Variants in CNTNAP2 observed in about 807,000 individuals in gnomAD.
CNTNAP2 encodes contactin associated protein 2.
In CNTNAP2, 98 loss-of-function variants were observed where a neutral mutation model predicts 155.2. The ratio of observed to expected loss-of-function variants is 0.63; its 90% CI spans 0.54 to 0.75. The LOEUF (loss-of-function observed/expected upper bound fraction) is 0.75, where lower values mean the gene tolerates loss of function less well. Among genes scored for constraint, CNTNAP2 ranks in the 30% least tolerant of loss-of-function variants. The pLI is 0.00. For missense variants in CNTNAP2, 1,727 were observed against 1,688.1 expected (o/e 1.02, Z -0.40); for synonymous variants, 651 against 631.2 (o/e 1.03, Z -0.47).
chr7:146,311,960 C>T (rs1800832541), intron 1 of CNTNAP2: 1 of 152,066 alleles, frequency 6.6e-6, no homozygotes, highest in Non-Finnish European at 1.5e-5. Flanking sequence ...TAAACAACTA[C>T]TCTAGTAAAT....
At chr7:146,895,625 G>A (rs969628766) in intron 3 of CNTNAP2, among the ~76,000 whole-genome samples, 19 of 151,924 alleles carry the variant, frequency 1.3e-4, no homozygotes, top group Non-Finnish European at 1.9e-4. Flanking sequence ...TACATCTATG[G>A]GATATAATCA....
intron 4 of CNTNAP2, among the ~76,000 whole-genome samples, chr7:147,056,265 A>T (rs1222248452): frequency 6.6e-6 from 1 of 152,084 alleles, no homozygotes; most frequent in Non-Finnish European, 1.5e-5. Flanking sequence ...ATTTAGCTGT[A>T]TGTGCTCTTT....
At chr7:147,225,793 AGG>A (rs1319548605) in intron 8 of CNTNAP2, among the ~76,000 whole-genome samples, 77 of 128,074 alleles carry the variant, frequency 6.0e-4, no homozygotes, top group African/African-American at 2.0e-3. Context: ...GAAGGAAGGA[AGG>A]AAGGAAAGAA....
At chr7:146,483,330 CAT>C (rs760173787) in intron 1 of CNTNAP2, among the ~76,000 whole-genome samples, 15 of 40,284 alleles carry the variant, frequency 3.7e-4, no homozygotes, top group East Asian at 7.3e-4. Context: ...TATATATATA[CAT>C]ATATATATAT....
chr7:146,552,435 T>G (rs1378168084), intron 1 of CNTNAP2, among the ~76,000 whole-genome samples: 2 of 152,102 alleles, frequency 1.3e-5, no homozygotes, highest in African/African-American at 4.8e-5. Flanking sequence ...TCAAAATATA[T>G]TCTGGGTTCG....
At chr7:147,695,697 G>C (rs1240421316) in intron 13 of CNTNAP2, among the ~76,000 whole-genome samples, 1 of 152,110 alleles carries the variant, frequency 6.6e-6, no homozygotes, top group Non-Finnish European at 1.5e-5. Flanking sequence ...AGCTACTCTG[G>C]AGACTGAGGC....
chr7:146,905,057 T>C (rs1452383375), intron 3 of CNTNAP2, among the ~76,000 whole-genome samples: 2 of 152,114 alleles, frequency 1.3e-5, no homozygotes, highest in African/African-American at 4.8e-5. Flanking sequence ...TAGTGGGAGA[T>C]TGTCCTCTGC....
intron 1 of CNTNAP2, among the ~76,000 whole-genome samples, chr7:146,506,555 A>G (rs1485186492): frequency 6.6e-6 from 1 of 152,226 alleles, no homozygotes; most frequent in African/African-American, 2.4e-5. Flanking sequence ...TGAAAGGCAC[A>G]TGTCCTGACA....
intron 13 of CNTNAP2, among the ~76,000 whole-genome samples, chr7:147,738,924 G>A (rs904870094): frequency 6.6e-6 from 1 of 152,054 alleles, no homozygotes; most frequent in Non-Finnish European, 1.5e-5. Context: ...CAAAGTGCTG[G>A]AATTACAGGT....
At chr7:146,538,546 C>A (rs1797903979) in intron 1 of CNTNAP2, among the ~76,000 whole-genome samples, 2 of 152,080 alleles carry the variant, frequency 1.3e-5, no homozygotes, top group Admixed American at 1.3e-4. Context: ...TGGTTACATT[C>A]TGCTGCCCCA....
At chr7:147,842,344 C>T (rs1352362371) in intron 13 of CNTNAP2, among the ~76,000 whole-genome samples, 1 of 152,186 alleles carries the variant, frequency 6.6e-6, no homozygotes, top group African/African-American at 2.4e-5. Flanking sequence ...GTTGCAGATT[C>T]ATAAGATAGT....
chr7:147,546,824 A>T (rs1185498190), intron 11 of CNTNAP2, among the ~76,000 whole-genome samples: 1 of 152,184 alleles, frequency 6.6e-6, no homozygotes, highest in Non-Finnish European at 1.5e-5. Flanking sequence ...GATGAAACTG[A>T]TTCTCATCCC....
At chr7:147,057,049 C>A (rs542673868) in intron 4 of CNTNAP2, among the ~76,000 whole-genome samples, 1 of 152,028 alleles carries the variant, frequency 6.6e-6, no homozygotes, top group African/African-American at 2.4e-5. Context: ...ATCCTTCTAC[C>A]TTGGCCTCCC....
At chr7:148,212,868 G>A (rs1412643145) in intron 18 of CNTNAP2, among the ~76,000 whole-genome samples, 1 of 152,180 alleles carries the variant, frequency 6.6e-6, no homozygotes, top group Admixed American at 6.5e-5. Context: ...TTATGATGTG[G>A]TTTCAGAATA....
intron 11 of CNTNAP2, among the ~76,000 whole-genome samples, chr7:147,505,367 A>T (rs1402111352): frequency 6.8e-6 from 1 of 148,090 alleles, no homozygotes; most frequent in African/African-American, 2.7e-5. Flanking sequence ...AAATGTTGCC[A>T]TGCGCACACA....
chr7:147,947,202 G>A (rs2116823913), intron 14 of CNTNAP2, among the ~76,000 whole-genome samples: 1 of 152,246 alleles, frequency 6.6e-6, no homozygotes, highest in East Asian at 1.9e-4. Context: ...TCTGGGTGCA[G>A]TGGAGACTCC....
In CNTNAP2 at chr7:146,276,357, T is replaced by C. The variant is rs189147268; in HGVS notation, c.97+159384T>C. ...CTCCTCTTTAAGTCTAAAAACTCTA[T>C]TGGGATATGGAACCTATCTCAATAT... On this transcript the variant is annotated intron_variant, in intron 1 of 23. Coordinates refer to ENST00000361727, the MANE Select transcript of CNTNAP2 (RefSeq NM_014141.6). 2.5e-3 allele frequency among the ~76,000 whole-genome samples: 379 copies of C among 152,334 alleles called. 2 individuals are homozygous for C. The highest frequency in any genetic ancestry group is 8.5e-3 in the African/African-American group (354 of 41,592).
chr7:147,309,486 T>TTTG (rs1411311675), intron 9 of CNTNAP2, among the ~76,000 whole-genome samples: 3 of 152,162 alleles, frequency 2.0e-5, no homozygotes, highest in African/African-American at 7.2e-5. Context: ...TAGTTAACAT[T>TTTG]TTGTTTTATA....
At chr7:146,323,728 C>T (rs1168898241) in intron 1 of CNTNAP2, among the ~76,000 whole-genome samples, 1 of 152,062 alleles carries the variant, frequency 6.6e-6, no homozygotes, top group African/African-American at 2.4e-5. Flanking sequence ...TCAAAATAAA[C>T]ATTTATTACA....
Sources: allele counts gnomAD v4.1 joint callset (sites outside exome capture counted in the v4.1 genomes callset), GRCh38; gene constraint gnomAD v4.1.1; transcripts MANE v1.5; gene names NCBI Gene and HGNC (gene_info 2026-07-23, HGNC 2026-07-21).